Variants in AKR1D1 observed in about 807,000 individuals in gnomAD.
AKR1D1 encodes aldo-keto reductase family 1 member D1, also known as delta(4)-3-ketosteroid 5-beta-reductase.
Under a neutral mutation model 42.6 loss-of-function variants are expected in AKR1D1, and 32 were observed. The ratio of observed to expected loss-of-function variants is 0.75; its 90% CI spans 0.57 to 1.01. The LOEUF (loss-of-function observed/expected upper bound fraction) is 1.01, where lower values mean the gene tolerates loss of function less well. Among genes scored for constraint, AKR1D1 ranks in the 50% least tolerant of loss-of-function variants. AKR1D1 has a pLI of 0.00. For synonymous variants in AKR1D1, 123 were observed against 135.5 expected (o/e 0.91, Z 0.64); for missense variants, 364 against 402.2 (o/e 0.91, Z 0.81).
chr7:138,085,986 G>T (rs904896703), intron 1 of AKR1D1, among the ~76,000 whole-genome samples: 13 of 151,856 alleles, frequency 8.6e-5, no homozygotes, highest in African/African-American at 1.2e-4. Flanking sequence ...AAGGCAGGAG[G>T]ATCACTTGAG....
At position 138,092,415 on chromosome 7, in the gene AKR1D1, A is replaced by T. The variant is rs1585727718; in HGVS notation, c.378+531A>T. Among the ~76,000 whole-genome samples, 3 of 152,236 alleles carry T rather than the reference A, an allele frequency of 2.0e-5. No homozygotes were observed. The South Asian group carries it at 6.2e-4, about 32-fold the overall frequency. ...ACCTAAGTCTTAAAAATTTAGAAAG[A>T]CCCAGTGTACAATTATGTGTTGCTT... On this transcript the variant is annotated intron_variant, in intron 3 of 8. Coordinates refer to ENST00000242375, the MANE Select transcript of AKR1D1 (RefSeq NM_005989.4).
intron 2 of AKR1D1, among the ~76,000 whole-genome samples, chr7:138,089,702 G>C (rs1296053358): frequency 6.6e-6 from 1 of 152,104 alleles, no homozygotes; most frequent in Non-Finnish European, 1.5e-5. Flanking sequence ...TGTCAATATG[G>C]GCTGTATGTA....
intron 6 of AKR1D1, 105 bp from the exon 7 acceptor site, chr7:138,107,310 T>C (rs1249233772): frequency 8.2e-7 from 1 of 1,212,806 alleles, no homozygotes; most frequent in Non-Finnish European, 1.2e-6. Context: ...TGCAGTGTCC[T>C]GGTAGGTGAC....
At chr7:138,088,572 C>A in intron 1 of AKR1D1, 29 bp from the exon 2 acceptor site, 1 of 1,613,522 alleles carries the variant, frequency 6.2e-7, no homozygotes, top group South Asian at 1.1e-5. Context: ...TTTCTCTTTT[C>A]CCCAAACCCA....
intron 1 of AKR1D1, among the ~76,000 whole-genome samples, chr7:138,077,004 G>A (rs118126336): frequency 1.1e-3 from 169 of 152,170 alleles, no homozygotes; most frequent in South Asian, 1.9e-3. Flanking sequence ...TAAGCACTAG[G>A]CGATAGAAGT....
intron 6 of AKR1D1, 148 bp downstream of exon 6, chr7:138,106,865 CCTGA>C (rs1794444892): frequency 1.4e-6 from 1 of 710,758 alleles, no homozygotes; most frequent in African/African-American, 1.8e-5. Flanking sequence ...TTCATACTTT[CCTGA>C]CTGAGCTGTT....
Position 138,113,699 on chromosome 7 carries a change from T to C in AKR1D1, c.865T>C (p.Phe289Leu). 6.2e-7 allele frequency: 1 copy of C among 1,614,012 alleles called. No individual in the cohort carries two copies. The highest frequency in any genetic ancestry group is 2.2e-5 in the East Asian group (1 of 44,892). The change falls in exon 8 of 9, where the codon TTT becomes CTT. Residue 289 changes from phenylalanine (F) to leucine (L), a missense_variant. Physicochemically the swap from Phe to Leu is conservative, Grantham distance 22. Coordinates refer to ENST00000242375, the MANE Select transcript of AKR1D1 (RefSeq NM_005989.4). ...RIKENFQIFD[F>L]SLTEEEMKDI... ...ATTTCCGTTATTTCAGATCTTTGAC[T>C]TTTCTCTCACTGAAGAAGAAATGAA... is the stretch of plus-strand genomic sequence containing the variant.
intron 3 of AKR1D1, among the ~76,000 whole-genome samples, chr7:138,095,097 T>C (rs1260532476): frequency 1.3e-5 from 2 of 151,992 alleles, no homozygotes; most frequent in Admixed American, 6.6e-5. Context: ...ATGAGTAAAA[T>C]AGGCACAATG....
intron 1 of AKR1D1, among the ~76,000 whole-genome samples, chr7:138,088,050 C>T (rs1233989792): frequency 6.6e-6 from 1 of 152,050 alleles, no homozygotes; most frequent in Non-Finnish European, 1.5e-5. Flanking sequence ...GCCACCACAT[C>T]CAGCTAATTA....
chr7:138,080,179 C>T (rs1190978105), intron 1 of AKR1D1, among the ~76,000 whole-genome samples: 1 of 152,182 alleles, frequency 6.6e-6, no homozygotes, highest in Non-Finnish European at 1.5e-5. Context: ...TCCTAGTATA[C>T]AGCCATACCT....
Position 138,110,014 on chromosome 7 carries a change from G to A in AKR1D1, c.855+2434G>A, listed in dbSNP as rs533971689. ...TGATAATAAAAGAATGGAACTCAGA[G>A]GTCACATATTCCAAGAAAAAAACGG... On this transcript the variant is annotated intron_variant, in intron 7 of 8. Transcript: ENST00000242375. Among the ~76,000 whole-genome samples the A allele has an allele frequency of 1.2e-4, 18 of 151,724 alleles. No homozygotes were observed. In the East Asian group the frequency reaches 2.3e-3, roughly 20 times the overall value.
intron 1 of AKR1D1, among the ~76,000 whole-genome samples, chr7:138,084,424 GC>G (rs1214264643): frequency 1.3e-5 from 2 of 151,762 alleles, no homozygotes; most frequent in Non-Finnish European, 2.9e-5. Flanking sequence ...TTGCCATGTT[GC>G]CCAGGCTGTT....
At chr7:138,093,335 G>A (rs1444450783) in intron 3 of AKR1D1, among the ~76,000 whole-genome samples, 1 of 152,006 alleles carries the variant, frequency 6.6e-6, no homozygotes, top group Non-Finnish European at 1.5e-5. Flanking sequence ...CCAAAGTGTT[G>A]GGATTAATTA....
At chr7:138,102,737 G>T (rs1450098565) in intron 4 of AKR1D1, among the ~76,000 whole-genome samples, 1 of 152,218 alleles carries the variant, frequency 6.6e-6, no homozygotes, top group Non-Finnish European at 1.5e-5. Flanking sequence ...ATTTTCAACA[G>T]AAATGCCAAC....
rs13243967 is a variant in AKR1D1, at chr7:138,099,977, C to G, written c.456+2034C>G. On this transcript the variant is annotated intron_variant, in intron 4 of 8. Coordinates refer to ENST00000242375, the MANE Select transcript of AKR1D1 (RefSeq NM_005989.4). ...CCTGTAGTCCCAGCTACTTGGAATT[C>G]TGAGGTGGGAGGACCACTTGAGGCC... 7.6e-3 allele frequency among the ~76,000 whole-genome samples: 1,128 copies of G among 149,144 alleles called. 26 individuals carry two copies. Among genetic ancestry groups the G allele is most frequent in the African/African-American group, 0.027 (1,074 of 40,398 alleles).
Position 138,107,484 on chromosome 7 carries a change from G to A in AKR1D1, c.759G>A (p.Lys253=), listed in dbSNP as rs1032760561. The stretch of plus-strand genomic sequence containing the variant: ...ACTCATTGGGGAAAAGGTACAATAA[G>A]ACAGCAGCTCAAATTGTTTTGCGTT... ...LLNSLGKRYN[K]TAAQIVLRFN... Residue 253 remains lysine (K), a synonymous_variant, in exon 7 of 9, where the codon AAG becomes AAA. Coordinates refer to ENST00000242375, the MANE Select transcript of AKR1D1 (RefSeq NM_005989.4). The A allele has an allele frequency of 1.9e-6, 3 of 1,614,030 alleles. No homozygotes were observed. Among genetic ancestry groups the A allele is most frequent in the Admixed American group, 3.3e-5 (2 of 60,000 alleles).
chr7:138,102,432 G>A (rs1794336848), intron 4 of AKR1D1, among the ~76,000 whole-genome samples: 2 of 152,022 alleles, frequency 1.3e-5, no homozygotes, highest in South Asian at 4.1e-4. Flanking sequence ...TCGTGCATGG[G>A]AGTTGCATGT....
At chr7:138,115,340 G>A (rs577571225) in intron 8 of AKR1D1, among the ~76,000 whole-genome samples, 10 of 152,128 alleles carry the variant, frequency 6.6e-5, no homozygotes, top group South Asian at 2.1e-4. Flanking sequence ...TACTTAGGAC[G>A]CTGAGGTGGG....
chr7:138,088,739 C>A lies in AKR1D1; in HGVS notation c.232C>A (p.Arg78=), dbSNP rs368152787. Residue 78 remains arginine, a synonymous_variant, in exon 2 of 9, where the codon CGG becomes AGG. Coordinates refer to ENST00000242375, the MANE Select transcript of AKR1D1 (RefSeq NM_005989.4). The part of the protein sequence containing the change: ...IREKIAEGKV[R]REDIFYCGKL... ...GGAGAAGATAGCAGAAGGAAAGGTG[C>A]GGAGGGAAGATATCTTCTACTGTGG... is the stretch of plus-strand genomic sequence containing the variant. The A allele has an allele frequency of 6.2e-7, 1 of 1,608,090 alleles. No individual in the cohort carries two copies. The highest frequency in any genetic ancestry group is 1.7e-4 in the Middle Eastern group (1 of 6,054).
Sources: allele counts gnomAD v4.1 joint callset (sites outside exome capture counted in the v4.1 genomes callset), GRCh38; gene constraint gnomAD v4.1.1; transcripts MANE v1.5; gene names NCBI Gene and HGNC (gene_info 2026-07-23, HGNC 2026-07-21).